Variants in AGPS observed in about 807,000 individuals in gnomAD.
The protein encoded by AGPS is alkyldihydroxyacetonephosphate synthase, peroxisomal.
A neutral mutation model predicts 90.7 loss-of-function variants in AGPS; 26 were observed. That is an observed-to-expected ratio of 0.29 (90% CI 0.21 to 0.40). AGPS has a LOEUF of 0.40. Among genes scored for constraint, AGPS ranks in the 10% least tolerant of loss-of-function variants. AGPS has a pLI of 1.00. For synonymous variants in AGPS, 294 were observed against 285.3 expected, an observed-to-expected ratio of 1.03 and a Z score of -0.31; for missense variants, 540 against 816.1, an observed-to-expected ratio of 0.66 and a Z score of 4.12.
intron 14 of AGPS, among the ~76,000 whole-genome samples, chr2:177,502,500 CA>C (rs1021217977): frequency 1.3e-5 from 2 of 150,774 alleles, no homozygotes; most frequent in African/African-American, 4.9e-5. Flanking sequence ...ACTGTAGCCT[CA>C]GCCTCCCTGG....
intron 8 of AGPS, among the ~76,000 whole-genome samples, chr2:177,450,175 T>C (rs746380733): frequency 6.6e-6 from 1 of 152,202 alleles, no homozygotes; most frequent in Non-Finnish European, 1.5e-5. Context: ...TTTCTTATTA[T>C]TGAGTTTTGG....
At chr2:177,433,924 A>T (rs573059349) in intron 2 of AGPS, among the ~76,000 whole-genome samples, 2 of 152,188 alleles carry the variant, frequency 1.3e-5, no homozygotes, top group South Asian at 4.2e-4. Context: ...TGCTTTCCAG[A>T]TGCAGCATTC....
Position 177,499,689 on chromosome 2 carries a change from T to A in AGPS, c.1434T>A (p.Leu478=), listed in dbSNP as rs1205158708. 4.3e-6 allele frequency: 7 copies of A among 1,612,370 alleles called. No homozygotes were observed. In the South Asian group the frequency reaches 7.7e-5, roughly 18 times the overall value. Residue 478 remains leucine, a synonymous_variant, in exon 14 of 20, where the codon CTT becomes CTA. Coordinates refer to ENST00000264167, the MANE Select transcript of AGPS (RefSeq NM_003659.4). ...TTGAGGGGGATCGTGAGAAGGTTCTTCAACATGAAAAACAAGTGTATGATA... is the reference window on the plus strand; with the variant it reads ...TTGAGGGGGATCGTGAGAAGGTTCTACAACATGAAAAACAAGTGTATGATA... ...LLFEGDREKV[L]QHEKQVYDIA...
At chr2:177,515,768 A>T (rs1418624370) in intron 17 of AGPS, among the ~76,000 whole-genome samples, 1 of 152,178 alleles carries the variant, frequency 6.6e-6, no homozygotes, top group Non-Finnish European at 1.5e-5. Flanking sequence ...TGGTTTTCCT[A>T]TAAAAGCTTA....
chr2:177,494,268 G>C (rs1030613101), intron 12 of AGPS, among the ~76,000 whole-genome samples: 1 of 152,098 alleles, frequency 6.6e-6, no homozygotes, highest in Admixed American at 6.5e-5. Flanking sequence ...AGTCAGGTTC[G>C]TAACATATTA....
intron 2 of AGPS, among the ~76,000 whole-genome samples, chr2:177,429,048 T>TG (rs1422929745): frequency 1.3e-5 from 2 of 151,978 alleles, no homozygotes; most frequent in East Asian, 3.9e-4. Flanking sequence ...TTGTCTGCCT[T>TG]GAAGACTATA....
intron 12 of AGPS, among the ~76,000 whole-genome samples, chr2:177,495,917 C>CAAA (rs57571340): frequency 1.3e-4 from 12 of 93,146 alleles, no homozygotes; most frequent in African/African-American, 1.6e-4. Context: ...GACTCTGTCT[C>CAAA]AAAAAAAAAA....
At chr2:177,472,295 T>C (rs1355649691) in intron 10 of AGPS, among the ~76,000 whole-genome samples, 1 of 151,970 alleles carries the variant, frequency 6.6e-6, no homozygotes. Flanking sequence ...TGTATTAAGT[T>C]TTAATTTGAA....
chr2:177,501,760 C>G (rs567407076), intron 14 of AGPS, among the ~76,000 whole-genome samples: 28 of 152,180 alleles, frequency 1.8e-4, no homozygotes, highest in African/African-American at 6.7e-4. Context: ...CTCTCCCGCC[C>G]AGGTTCAAGT....
At chr2:177,401,000 G>A (rs1057192961) in intron 1 of AGPS, among the ~76,000 whole-genome samples, 1 of 152,188 alleles carries the variant, frequency 6.6e-6, no homozygotes. Flanking sequence ...CATATACTAT[G>A]GAGTGGATAT....
intron 10 of AGPS, among the ~76,000 whole-genome samples, chr2:177,476,324 AG>A (rs1362970041): frequency 6.6e-6 from 1 of 151,970 alleles, no homozygotes; most frequent in Non-Finnish European, 1.5e-5. Context: ...ATTTCTCTCT[AG>A]GTATTGCTTT....
chr2:177,538,366 G>A lies in AGPS; in HGVS notation c.*171G>A. On this transcript the variant is annotated 3_prime_UTR_variant, in exon 20 of 20. Coordinates refer to ENST00000264167, the MANE Select transcript of AGPS (RefSeq NM_003659.4). ...TGTTTTGTTTCTACATCTATGGATT[G>A]ACAGATAGTATTCCTAAATCTCTCT... The A allele has an allele frequency of 1.4e-6, 1 of 695,038 alleles. No individual in the cohort carries two copies. Among genetic ancestry groups the A allele is most frequent in the Non-Finnish European group, 2.4e-6 (1 of 423,834 alleles). 43.1% of individuals were successfully genotyped at this position (695,038 alleles called of 1,614,324 possible). A position where few individuals can be genotyped will look rare whatever the true frequency, so the allele number is the denominator to read the frequency against.
chr2:177,444,804 T>C (rs1021224883), intron 7 of AGPS, among the ~76,000 whole-genome samples: 1 of 152,234 alleles, frequency 6.6e-6, no homozygotes, highest in Non-Finnish European at 1.5e-5. Context: ...AGAAGTCTGC[T>C]CTTAATAGTA....
chr2:177,530,274 G>A (rs6740156), intron 19 of AGPS, among the ~76,000 whole-genome samples: 4,686 of 152,178 alleles, frequency 0.031, 233 homozygotes, highest in African/African-American at 0.1. Flanking sequence ...ATTTGCTATC[G>A]AAGAATGTTA....
chr2:177,506,516 A>G (rs779670906), intron 15 of AGPS, among the ~76,000 whole-genome samples: 8 of 151,952 alleles, frequency 5.3e-5, no homozygotes, highest in Non-Finnish European at 1.0e-4. Flanking sequence ...ATACACAACA[A>G]TTGTTGTAAG....
chr2:177,461,943 C>T lies in AGPS; in HGVS notation c.921C>T (p.Phe307=), dbSNP rs138275695. The part of the protein sequence containing the change: ...CTGHEPDSLE[F]STVGGWVSTR... ...GTCATGAACCAGATTCCCTGGAGTT[C>T]AGTACTGTAGGAGGATGGGTATCTA... The change falls in exon 9 of 20, where the codon TTC becomes TTT. Residue 307 remains phenylalanine (F), a synonymous_variant. Transcript: ENST00000264167. 88 of 1,612,402 alleles carry T rather than the reference C, an allele frequency of 5.5e-5. 1 individual carries two copies. Among genetic ancestry groups the T allele is most frequent in the Non-Finnish European group, 6.8e-6 (8 of 1,179,134 alleles).
Position 177,445,593 on chromosome 2 carries a change from G to A in AGPS, c.837G>A (p.Glu279=), listed in dbSNP as rs149103557. 21 of 1,613,096 alleles carry A rather than the reference G, an allele frequency of 1.3e-5. No individual in the cohort carries two copies. Among genetic ancestry groups the A allele is most frequent in the Non-Finnish European group, 1.7e-5 (20 of 1,179,514 alleles). The change falls in exon 8 of 20, where the codon GAG becomes GAA. Residue 279 remains glutamate (E), a synonymous_variant. Coordinates refer to ENST00000264167, the MANE Select transcript of AGPS (RefSeq NM_003659.4). ...VDENNLTAHV[E]AGITGQELER... Reference sequence around the variant, plus strand: ...AGAACAATTTGACAGCTCATGTAGAGGCTGGCATAACAGGACAAGAGTTGG... The same window carrying A: ...AGAACAATTTGACAGCTCATGTAGAAGCTGGCATAACAGGACAAGAGTTGG...
intron 8 of AGPS, 94 bp from the exon 9 acceptor site, chr2:177,461,799 A>G (rs1485877128): frequency 1.8e-6 from 2 of 1,098,628 alleles, no homozygotes; most frequent in African/African-American, 3.2e-5. Context: ...AATATCAATG[A>G]CATGGAAATT....
intron 8 of AGPS, among the ~76,000 whole-genome samples, chr2:177,447,561 A>G (rs1413246145): frequency 6.6e-6 from 1 of 151,344 alleles, no homozygotes; most frequent in Non-Finnish European, 1.5e-5. Context: ...TTGTATCTTT[A>G]TTATAGCATT....
Sources: allele counts gnomAD v4.1 joint callset (sites outside exome capture counted in the v4.1 genomes callset), GRCh38; gene constraint gnomAD v4.1.1; transcripts MANE v1.5; gene names NCBI Gene and HGNC (gene_info 2026-07-23, HGNC 2026-07-21).